Variants in DNAH11 observed in about 807,000 individuals in gnomAD.
DNAH11 encodes the protein axonemal beta dynein heavy chain 11.
DNAH11 carries 442 observed loss-of-function variants against 526.0 expected under a neutral mutation model. The ratio of observed to expected loss-of-function variants is 0.84; its 90% CI spans 0.78 to 0.91. The LOEUF (loss-of-function observed/expected upper bound fraction) is 0.91. Ranked by LOEUF, DNAH11 falls within the 40% of genes least tolerant of loss-of-function variation. The pLI is 0.00. For missense variants in DNAH11, 6,989 were observed against 5,448.7 expected (o/e 1.28, Z -8.90); for synonymous variants, 2,461 against 1,935.9 (o/e 1.27, Z -7.12).
At chr7:21,611,595 A>G (rs1785526042) in intron 20 of DNAH11, among the ~76,000 whole-genome samples, 1 of 152,180 alleles carries the variant, frequency 6.6e-6, no homozygotes, top group African/African-American at 2.4e-5. Context: ...GATAAATACA[A>G]AGACTGCATC....
At chr7:21,580,938 A>G (rs188990136) in intron 8 of DNAH11, among the ~76,000 whole-genome samples, 1 of 152,350 alleles carries the variant, frequency 6.6e-6, no homozygotes, top group East Asian at 1.9e-4. Flanking sequence ...GTGTGATTTT[A>G]GGTGAATCAT....
chr7:21,749,895 G>C, intron 53 of DNAH11, 94 bp downstream of exon 53: 1 of 1,563,986 alleles, frequency 6.4e-7, no homozygotes, highest in Non-Finnish European at 8.7e-7. Flanking sequence ...TCGTCTTTGA[G>C]ATGTTTGCTG....
rs772958655 is a variant in DNAH11 at position 21,717,746 on chromosome 7, A to C, written c.6984-29A>C. 3.1e-6 allele frequency: 5 copies of C among 1,612,648 alleles called. No homozygotes were observed. In the African/African-American group the frequency reaches 5.3e-5, roughly 17 times the overall value. On this transcript the variant is annotated intron_variant, in intron 42 of 81. Transcript: ENST00000409508. The stretch of plus-strand genomic sequence containing the variant: ...ATTCTGCTTTTCAAGCCTAGTGTTC[A>C]ATAAAAGCTTTTCTGTGTTCCTTTT...
At chr7:21,736,073 A>G (rs544138944) in intron 46 of DNAH11, among the ~76,000 whole-genome samples, 1 of 152,350 alleles carries the variant, frequency 6.6e-6, no homozygotes, top group East Asian at 1.9e-4. Context: ...GCTTTAGAAC[A>G]GCAAGAATAT....
chr7:21,768,553 C>T (rs1160134377), intron 55 of DNAH11, among the ~76,000 whole-genome samples: 3 of 152,126 alleles, frequency 2.0e-5, no homozygotes, highest in Non-Finnish European at 2.9e-5. Flanking sequence ...TGTTGACCAA[C>T]CGATGAGTTA....
chr7:21,557,471 C>T (rs889810829), intron 2 of DNAH11, among the ~76,000 whole-genome samples: 1 of 152,136 alleles, frequency 6.6e-6, no homozygotes, highest in Admixed American at 6.5e-5. Flanking sequence ...GGTTTGTAGA[C>T]GGCCCCTTCT....
intron 25 of DNAH11, among the ~76,000 whole-genome samples, chr7:21,632,683 G>A (rs1465971911): frequency 2.0e-5 from 3 of 152,110 alleles, no homozygotes; most frequent in Non-Finnish European, 2.9e-5. Flanking sequence ...CCTCAGCCTG[G>A]ATTTCATTGT....
rs1200208040 is a variant in DNAH11, at chr7:21,589,261, C to G, written c.2027C>G (p.Thr676Ser). 6.2e-7 allele frequency: 1 copy of G among 1,610,122 alleles called. No homozygotes were observed. Among genetic ancestry groups the G allele is most frequent in the African/African-American group, 1.3e-5 (1 of 74,758 alleles). ...GTTTATCAAAAGTATGTTGAAATGA[C>G]CACTTTGCTTGATCAATTTGAAAGT... ...ALVYQKYVEM[T>S]TLLDQFESRI... Residue 676 changes from threonine to serine, a missense_variant, in exon 12 of 82, where the codon ACC becomes AGC. Coordinates refer to ENST00000409508, the MANE Select transcript of DNAH11 (RefSeq NM_001277115.2).
rs533068334 is a variant in DNAH11 at position 21,726,571 on chromosome 7, C to T, written c.7440+587C>T. Among the ~76,000 whole-genome samples, 5 of 151,846 alleles carry T rather than the reference C, an allele frequency of 3.3e-5. No homozygotes were observed. The East Asian group carries it at 9.8e-4, about 30-fold the overall frequency. Reference sequence around the variant, plus strand: ...GAGAAGAATCTCAGCTATAAGAATGCCTAGTGATGGCCAGGCGCGGTGGTT... The same window carrying T: ...GAGAAGAATCTCAGCTATAAGAATGTCTAGTGATGGCCAGGCGCGGTGGTT... On this transcript the variant is annotated intron_variant, in intron 45 of 81. Coordinates refer to ENST00000409508, the MANE Select transcript of DNAH11 (RefSeq NM_001277115.2).
At position 21,737,630 on chromosome 7, in the gene DNAH11, G is replaced by C. The variant is rs983283367; in HGVS notation, c.7646-1071G>C. Among the ~76,000 whole-genome samples the C allele has an allele frequency of 3.3e-5, 5 of 152,200 alleles. No homozygotes were observed. The East Asian group carries it at 5.8e-4, about 18-fold the overall frequency. ...AGAATTGTAGAAAAGGAGGTGGCAA[G>C]TTGGGAACATATGGAAATGACATGA... On this transcript the variant is annotated intron_variant, in intron 46 of 81. Transcript: ENST00000409508.
At chr7:21,636,475 C>G (rs143845661) in intron 26 of DNAH11, among the ~76,000 whole-genome samples, 1 of 151,884 alleles carries the variant, frequency 6.6e-6, no homozygotes, top group African/African-American at 2.4e-5. Context: ...TGGCTCACAC[C>G]TATAATCCCA....
At chr7:21,866,130 C>T (rs985031119) in intron 70 of DNAH11, among the ~76,000 whole-genome samples, 1 of 152,144 alleles carries the variant, frequency 6.6e-6, no homozygotes, top group Admixed American at 6.5e-5. Context: ...CAAGTCTCAG[C>T]CTCAATTTAC....
chr7:21,626,503 C>T (rs1037298434), intron 25 of DNAH11, among the ~76,000 whole-genome samples: 6 of 152,034 alleles, frequency 3.9e-5, no homozygotes, highest in East Asian at 1.9e-4. Flanking sequence ...TTACATTTTT[C>T]GTTCTTTGAA....
rs778698443 is a variant in DNAH11, at chr7:21,707,717, C to T, written c.6565C>T (p.Arg2189Ter). ...GKSKILRTLN[R>*]TYVNMKQKPV... ...CCCTCAGATTTTGAGAACACTGAAC[C>T]GAACATATGTTAACATGAAACAGAA... Residue 2189 changes from arginine to a stop codon, truncating the protein, a stop_gained, in exon 40 of 82, where the codon CGA (arginine) becomes TGA (stop). Transcript: ENST00000409508. LOFTEE classifies it high-confidence loss of function. The T allele has an allele frequency of 5.0e-6, 8 of 1,612,326 alleles. No homozygotes were observed. The East Asian group carries it at 8.9e-5, about 18-fold the overall frequency.
intron 65 of DNAH11, among the ~76,000 whole-genome samples, chr7:21,821,111 G>A (rs1790032740): frequency 6.6e-6 from 1 of 152,148 alleles, no homozygotes; most frequent in South Asian, 2.1e-4. Context: ...GGGGAAAAAG[G>A]AAGATTTAAG....
intron 8 of DNAH11, among the ~76,000 whole-genome samples, chr7:21,579,139 C>T (rs746779818): frequency 1.8e-4 from 28 of 152,196 alleles, no homozygotes; most frequent in African/African-American, 6.3e-4. Flanking sequence ...CTTTTAGACA[C>T]TAAGTCAAAC....
chr7:21,806,759 T>C (rs568617212), intron 62 of DNAH11, among the ~76,000 whole-genome samples: 3 of 152,352 alleles, frequency 2.0e-5, no homozygotes, highest in South Asian at 2.1e-4. Flanking sequence ...ATTAGTGAAC[T>C]ACCCTGCAGT....
At chr7:21,786,789 A>T in intron 59 of DNAH11, 22 bp downstream of exon 59, 1 of 1,612,880 alleles carries the variant, frequency 6.2e-7, no homozygotes, top group South Asian at 1.1e-5. Context: ...GCCTGGCAAG[A>T]TGAAAATCCT....
intron 65 of DNAH11, among the ~76,000 whole-genome samples, chr7:21,826,723 T>C (rs1260859708): frequency 6.6e-6 from 1 of 152,194 alleles, no homozygotes; most frequent in Non-Finnish European, 1.5e-5. Flanking sequence ...ACAGGGACTG[T>C]TGAGCTGCCA....
Sources: gnomAD v4.1 joint callset for allele counts (sites outside exome capture counted in the v4.1 genomes callset) on GRCh38, gnomAD v4.1.1 for gene constraint, MANE v1.5 for transcripts, NCBI Gene and HGNC (gene_info 2026-07-23, HGNC 2026-07-21) for gene names.